COLGALT2: variants seen among roughly 807,000 people sequenced by gnomAD.
COLGALT2 encodes procollagen galactosyltransferase 2.
Under a neutral mutation model 73.4 loss-of-function variants are expected in COLGALT2, and 49 were observed. The observed-to-expected ratio is 0.67, with a 90% confidence interval of 0.53 to 0.85. COLGALT2 has a LOEUF of 0.85. Among genes scored for constraint, COLGALT2 ranks in the 40% least tolerant of loss-of-function variants. COLGALT2 has a pLI of 0.00. For synonymous variants in COLGALT2, 295 were observed against 307.6 expected (o/e 0.96, Z 0.43); for missense variants, 722 against 790.2 (o/e 0.91, Z 1.03).
rs150827934 is a variant in COLGALT2, at chr1:183,988,975, T to C, written c.264-10455A>G. On this transcript the variant is annotated intron_variant, in intron 1 of 11. Transcript: ENST00000361927. Reference sequence around the variant, plus strand: ...CCATTTTACGTATATAACTTTAACATTTAAAGTAATTTTCCTTTAAGTATT... The same window carrying C: ...CCATTTTACGTATATAACTTTAACACTTAAAGTAATTTTCCTTTAAGTATT... Among the ~76,000 whole-genome samples the C allele has an allele frequency of 1.2e-4, 18 of 152,368 alleles. No homozygotes were observed. In the East Asian group the frequency reaches 3.5e-3, roughly 29 times the overall value.
At chr1:184,009,046 T>C (rs1403355129) in intron 1 of COLGALT2, among the ~76,000 whole-genome samples, 2 of 152,210 alleles carry the variant, frequency 1.3e-5, no homozygotes, top group Non-Finnish European at 2.9e-5. Context: ...GTCTTCTGTG[T>C]ATACTTATTT....
chr1:183,988,524 C>G (rs1671546615), intron 1 of COLGALT2, among the ~76,000 whole-genome samples: 1 of 152,230 alleles, frequency 6.6e-6, no homozygotes, highest in Non-Finnish European at 1.5e-5. Context: ...CTGGTAACCA[C>G]TATTCTGCTT....
At chr1:183,978,637 T>C in intron 1 of COLGALT2, 117 bp from the exon 2 acceptor site, 2 of 568,872 alleles carry the variant, frequency 3.5e-6, no homozygotes, top group Non-Finnish European at 6.1e-6. Context: ...AAAAATTGTA[T>C]ATATGAAAAT....
chr1:184,020,494 G>T (rs1030171966), intron 1 of COLGALT2, among the ~76,000 whole-genome samples: 20 of 152,114 alleles, frequency 1.3e-4, no homozygotes, highest in Non-Finnish European at 4.4e-5. Flanking sequence ...CTTCTTTGTT[G>T]TTTTCCCCTT....
intron 1 of COLGALT2, among the ~76,000 whole-genome samples, chr1:184,000,960 T>G (rs1326205375): frequency 3.3e-5 from 5 of 151,554 alleles, no homozygotes; most frequent in Admixed American, 3.3e-4. Context: ...CTCCCGAGTA[T>G]CTGGGACTAC....
intron 1 of COLGALT2, among the ~76,000 whole-genome samples, chr1:184,000,689 A>G (rs1671895688): frequency 6.6e-6 from 1 of 151,866 alleles, no homozygotes; most frequent in Non-Finnish European, 1.5e-5. Flanking sequence ...AAGTACATGG[A>G]TTTAGGTGAT....
intron 6 of COLGALT2, among the ~76,000 whole-genome samples, chr1:183,955,372 A>C (rs145596415): frequency 4.5e-4 from 69 of 152,284 alleles, no homozygotes; most frequent in African/African-American, 1.5e-3. Context: ...TAGAATTTTT[A>C]CTGAAAAACA....
rs150587929 is a variant in COLGALT2 at position 183,975,124 on chromosome 1, C to T, written c.465G>A (p.Ala155=). The stretch of plus-strand genomic sequence containing the variant: ...GAATGTAGTCTGACCATTTTTCCCT[C>T]GCAGTTCGAAGGGCTGCCTGTCGTA... ...MKLRQAALRT[A]REKWSDYILF... is the part of the protein sequence containing the mutation. Residue 155 remains alanine (A), a synonymous_variant, in exon 3 of 12, where the codon GCG becomes GCA. Coordinates refer to ENST00000361927, the MANE Select transcript of COLGALT2 (RefSeq NM_015101.4). 17 of 1,613,584 alleles carry T rather than the reference C, an allele frequency of 1.1e-5. No homozygotes were observed. The highest frequency in any genetic ancestry group is 9.3e-5 in the African/African-American group (7 of 74,870).
chr1:184,009,275 A>C (rs1160281729), intron 1 of COLGALT2, among the ~76,000 whole-genome samples: 1 of 152,208 alleles, frequency 6.6e-6, no homozygotes, highest in East Asian at 1.9e-4. Flanking sequence ...AGAACAACAA[A>C]ATTTTCCTTC....
At chr1:183,954,948 G>A (rs1007366182) in intron 6 of COLGALT2, 110 bp from the exon 7 acceptor site, 2 of 812,128 alleles carry the variant, frequency 2.5e-6, no homozygotes, top group Non-Finnish European at 4.2e-6. Flanking sequence ...GGAAATACAG[G>A]GCAGGGGACA....
chr1:183,933,409 A>C (rs1477755265), downstream of COLGALT2, among the ~76,000 whole-genome samples: 2 of 152,194 alleles, frequency 1.3e-5, no homozygotes, highest in African/African-American at 4.8e-5. Context: ...AACTCTGCTC[A>C]TGGTTTCCTC....
chr1:183,934,783 A>G (rs1669914116), downstream of COLGALT2, among the ~76,000 whole-genome samples: 1 of 152,188 alleles, frequency 6.6e-6, no homozygotes, highest in South Asian at 2.1e-4. Flanking sequence ...AAACCATAAG[A>G]TTCCCAAATT....
chr1:183,958,620 C>T (rs1572638268), intron 6 of COLGALT2, among the ~76,000 whole-genome samples: 1 of 151,240 alleles, frequency 6.6e-6, no homozygotes, highest in South Asian at 2.1e-4. Context: ...TCTACCTTTT[C>T]AATCCACCTC....
In COLGALT2 at chr1:183,945,026, G is replaced by A. The variant is rs565510588; in HGVS notation, c.1269+406C>T. The stretch of plus-strand genomic sequence containing the variant: ...ACTTCTGGCTCTGCCACTTCTTACC[G>A]GGTCAAGCTACTTAATAATTTCTTC... On this transcript the variant is annotated intron_variant, in intron 9 of 11. Coordinates refer to ENST00000361927, the MANE Select transcript of COLGALT2 (RefSeq NM_015101.4). Among the ~76,000 whole-genome samples, 7 of 152,244 alleles carry A rather than the reference G, an allele frequency of 4.6e-5. No homozygotes were observed. The South Asian group carries it at 1.0e-3, about 23-fold the overall frequency.
chr1:183,947,447 A>G (rs1430078821), intron 8 of COLGALT2, among the ~76,000 whole-genome samples: 2 of 152,218 alleles, frequency 1.3e-5, no homozygotes, highest in Non-Finnish European at 2.9e-5. Flanking sequence ...TTAAAAATCA[A>G]TAACCAAAGG....
At chr1:183,960,736 T>C (rs1572639674) in intron 6 of COLGALT2, among the ~76,000 whole-genome samples, 1 of 152,206 alleles carries the variant, frequency 6.6e-6, no homozygotes, top group African/African-American at 2.4e-5. Flanking sequence ...TTTGTAAACT[T>C]TCTTAAAACG....
chr1:184,037,139 GC>G lies in COLGALT2; in HGVS notation c.218del (p.Gly73AlafsTer34). On this transcript the variant is annotated frameshift_variant, in exon 1 of 12. Transcript: ENST00000361927. LOFTEE classifies it high-confidence loss of function. ...TGGGGTAGTCCAGCCGCTCCAGGCA[GC>G]CGAGGAAGTGCGGCAGCGTGTGCGC... ...NAAHTLPHFLGCLERLDYPKS... is the reference protein window; with the variant it reads ...NAAHTLPHFLXCLERLDYPKS... 6.3e-7 allele frequency: 1 copy of G among 1,599,706 alleles called. No individual in the cohort carries two copies. Among genetic ancestry groups the G allele is most frequent in the Middle Eastern group, 1.7e-4 (1 of 5,974 alleles).
At chr1:184,001,897 G>A (rs1572669014) in intron 1 of COLGALT2, among the ~76,000 whole-genome samples, 1 of 152,206 alleles carries the variant, frequency 6.6e-6, no homozygotes, top group Admixed American at 6.5e-5. Context: ...GTGTAGTTGG[G>A]AATATCCCAC....
rs757709584 is a variant in COLGALT2 at position 183,937,891 on chromosome 1, G to A, written c.*870C>T. 22 of 985,338 alleles carry A rather than the reference G, an allele frequency of 2.2e-5. No individual in the cohort carries two copies. Among genetic ancestry groups the A allele is most frequent in the Non-Finnish European group, 2.5e-5 (21 of 829,950 alleles). The allele number at this position is 985,338 out of a possible 1,614,324, so 61.0% of individuals were successfully genotyped here. ...GGGTTCCCAGGCTAAGGGGTGGAGC[G>A]GAGAGCGTGAAGCTCTGTAGCAGCG... On this transcript the variant is annotated 3_prime_UTR_variant, in exon 12 of 12. Transcript: ENST00000361927.
Sources: gnomAD v4.1 joint callset for allele counts (sites outside exome capture counted in the v4.1 genomes callset) on GRCh38, gnomAD v4.1.1 for gene constraint, MANE v1.5 for transcripts, NCBI Gene and HGNC (gene_info 2026-07-23, HGNC 2026-07-21) for gene names.